The following MEGF10 variants were observed in gnomAD, a reference collection of about 807,000 sequenced individuals.
The protein encoded by MEGF10 is multiple EGF like domains 10, also known as multiple epidermal growth factor-like domains protein 10.
A neutral mutation model predicts 147.5 loss-of-function variants in MEGF10; 86 were observed. That is an observed-to-expected ratio of 0.58 (90% CI 0.49 to 0.70). The LOEUF is 0.70. Ranked by LOEUF, MEGF10 falls within the 30% of genes least tolerant of loss-of-function variation. MEGF10 has a pLI of 0.00. For synonymous variants in MEGF10, 478 were observed against 525.5 expected (o/e 0.91, Z 1.24); for missense variants, 1,329 against 1,487.3 (o/e 0.89, Z 1.75).
At chr5:127,270,280 A>G in the MEGF10 span, among the ~76,000 whole-genome samples, 1 of 152,224 alleles carries the variant, frequency 6.6e-6, no homozygotes, top group Non-Finnish European at 1.5e-5. Flanking sequence ...TAAAAGACCC[A>G]GACTGGCAAA....
At chr5:127,407,830 T>C (rs1301009545) in intron 8 of MEGF10, among the ~76,000 whole-genome samples, 1 of 152,188 alleles carries the variant, frequency 6.6e-6, no homozygotes, top group Non-Finnish European at 1.5e-5. Flanking sequence ...TGATTATGTT[T>C]ATTTTCAAGA....
chr5:127,427,944 T>C (rs1191492733), intron 13 of MEGF10, among the ~76,000 whole-genome samples: 1 of 152,122 alleles, frequency 6.6e-6, no homozygotes, highest in African/African-American at 2.4e-5. Context: ...CATATGTATA[T>C]GTCTGTCTGT....
intron 16 of MEGF10, among the ~76,000 whole-genome samples, chr5:127,436,171 TCA>T (rs1312717500): frequency 3.9e-5 from 6 of 152,356 alleles, no homozygotes; most frequent in Middle Eastern, 3.4e-3. Flanking sequence ...TGAAACACTC[TCA>T]GTTTATATTG....
chr5:127,315,651 G>A (rs1047284396), intron 1 of MEGF10, among the ~76,000 whole-genome samples: 1 of 152,074 alleles, frequency 6.6e-6, no homozygotes, highest in East Asian at 1.9e-4. Context: ...GAATGCATGT[G>A]TAGTCCCAGC....
intron 4 of MEGF10, among the ~76,000 whole-genome samples, chr5:127,350,810 T>C (rs1245565505): frequency 1.3e-5 from 2 of 152,254 alleles, no homozygotes; most frequent in African/African-American, 4.8e-5. Flanking sequence ...GTAGTTTTTG[T>C]GGATACATAG....
At chr5:127,296,889 A>G (rs1188903632) in intron 1 of MEGF10, among the ~76,000 whole-genome samples, 1 of 152,240 alleles carries the variant, frequency 6.6e-6, no homozygotes, top group African/African-American at 2.4e-5. Flanking sequence ...AAGAATTGAT[A>G]AAAAATATGT....
intron 8 of MEGF10, among the ~76,000 whole-genome samples, chr5:127,409,107 C>G (rs1232219545): frequency 6.6e-6 from 1 of 152,150 alleles, no homozygotes; most frequent in Non-Finnish European, 1.5e-5. Flanking sequence ...GTCCTCTACA[C>G]TAAAATAGAA....
intron 18 of MEGF10, among the ~76,000 whole-genome samples, chr5:127,442,747 T>A (rs1020549337): frequency 2.6e-5 from 4 of 152,224 alleles, no homozygotes; most frequent in African/African-American, 9.6e-5. Flanking sequence ...GAGGTAAGTA[T>A]GTAGCAGCTG....
the MEGF10 span, among the ~76,000 whole-genome samples, chr5:127,235,075 A>G: frequency 1.3e-5 from 2 of 152,052 alleles, no homozygotes; most frequent in Non-Finnish European, 2.9e-5. Flanking sequence ...CGAACATCTC[A>G]CCTCAGGCAA....
chr5:127,394,093 A>G (rs1372228739), intron 5 of MEGF10, among the ~76,000 whole-genome samples: 1 of 152,220 alleles, frequency 6.6e-6, no homozygotes. Context: ...GTGTTTTGAC[A>G]TGATCTTGTT....
Position 127,455,384 on chromosome 5 carries a change from C to T in MEGF10, c.3026-17C>T, listed in dbSNP as rs1249728800. 3.1e-6 allele frequency: 5 copies of T among 1,606,464 alleles called. No individual in the cohort carries two copies. The highest frequency in any genetic ancestry group is 4.5e-5 in the East Asian group (2 of 44,824). On this transcript the variant is annotated splice_polypyrimidine_tract_variant and intron_variant, in intron 23 of 24. Transcript: ENST00000503335. ...AGTGACACAGCATTAGCTTTCTCTT[C>T]TCATTTCTCTTCACAGACCTGGGAA... is the stretch of plus-strand genomic sequence containing the variant.
intron 5 of MEGF10, among the ~76,000 whole-genome samples, chr5:127,390,866 G>T (rs1763625371): frequency 6.6e-6 from 1 of 152,018 alleles, no homozygotes; most frequent in African/African-American, 2.4e-5. Context: ...TTCACCCCTT[G>T]CTACCTGCGT....
At position 127,459,376 on chromosome 5, in the gene MEGF10, A is replaced by G. The variant is rs982649419; in HGVS notation, c.*2058A>G. 1 of 152,186 alleles carries G rather than the reference A, an allele frequency of 6.6e-6. No individual in the cohort carries two copies. Among genetic ancestry groups the G allele is most frequent in the South Asian group, 2.1e-4 (1 of 4,826 alleles). The allele number at this position is 152,186 out of a possible 1,614,324, so 9.4% of individuals were successfully genotyped here. On this transcript the variant is annotated 3_prime_UTR_variant, in exon 25 of 25. Transcript: ENST00000503335. ...GCCTTAGAAACAATTGATTTATTCC[A>G]ATAGTTAACCACTGGCTGGCTCCCA...
chr5:127,267,352 A>G, the MEGF10 span, among the ~76,000 whole-genome samples: 6 of 152,152 alleles, frequency 3.9e-5, no homozygotes, highest in African/African-American at 1.4e-4. Context: ...TTTTGCATCA[A>G]TGTTCATCAG....
intron 5 of MEGF10, among the ~76,000 whole-genome samples, chr5:127,378,453 A>G (rs1419500561): frequency 2.6e-5 from 4 of 151,808 alleles, no homozygotes; most frequent in African/African-American, 9.7e-5. Context: ...ACCCTTCTTT[A>G]TTTACTTATT....
intron 9 of MEGF10, among the ~76,000 whole-genome samples, chr5:127,416,944 G>A (rs766281756): frequency 1.3e-5 from 2 of 152,194 alleles, no homozygotes; most frequent in South Asian, 4.1e-4. Flanking sequence ...GTTAAGGGAG[G>A]GTTTTAGCTC....
intron 1 of MEGF10, among the ~76,000 whole-genome samples, chr5:127,326,835 G>C (rs1323400723): frequency 6.6e-6 from 1 of 152,166 alleles, no homozygotes; most frequent in Non-Finnish European, 1.5e-5. Context: ...AAAACTGGTT[G>C]AGGGTACCGA....
At chr5:127,243,106 C>T in the MEGF10 span, among the ~76,000 whole-genome samples, 4 of 152,292 alleles carry the variant, frequency 2.6e-5, no homozygotes, top group South Asian at 8.3e-4. Context: ...ATATTCCACA[C>T]TTGTTTCATT....
intron 5 of MEGF10, among the ~76,000 whole-genome samples, chr5:127,393,548 T>C (rs535501302): frequency 3.2e-4 from 48 of 152,370 alleles, no homozygotes; most frequent in African/African-American, 1.1e-3. Context: ...TCTGTAAACA[T>C]GTGGATTTTT....
Sources: gnomAD v4.1 joint callset for allele counts (sites outside exome capture counted in the v4.1 genomes callset) on GRCh38, gnomAD v4.1.1 for gene constraint, MANE v1.5 for transcripts, NCBI Gene and HGNC (gene_info 2026-07-23, HGNC 2026-07-21) for gene names.